Variants in GRIN2B observed in about 807,000 individuals in gnomAD.
The protein encoded by GRIN2B is glutamate receptor ionotropic, NMDA 2B.
In GRIN2B, 5 loss-of-function variants were observed where a neutral mutation model predicts 114.5. The ratio of observed to expected loss-of-function variants is 0.04; its 90% CI spans 0.02 to 0.09. The LOEUF (loss-of-function observed/expected upper bound fraction) is 0.09, where lower values mean the gene tolerates loss of function less well. Among genes scored for constraint, GRIN2B ranks in the 10% least tolerant of loss-of-function variants. The probability of loss-of-function intolerance (pLI) is 1.00; values close to 1 mark genes in which losing one functional copy is unlikely to be tolerated. For missense variants in GRIN2B, 1,108 were observed against 1,943.5 expected, an observed-to-expected ratio of 0.57 and a Z score of 8.08; for synonymous variants, 787 against 745.1, an observed-to-expected ratio of 1.06 and a Z score of -0.92.
chr12:13,679,849 C>G (rs979829833), intron 4 of GRIN2B, among the ~76,000 whole-genome samples: 5 of 152,104 alleles, frequency 3.3e-5, no homozygotes, highest in Non-Finnish European at 7.4e-5. Context: ...CTCAGTTATT[C>G]TTCTCTAAAA....
intron 3 of GRIN2B, among the ~76,000 whole-genome samples, chr12:13,780,133 T>C (rs544276531): frequency 2.2e-4 from 34 of 152,170 alleles, no homozygotes; most frequent in Non-Finnish European, 4.4e-4. Flanking sequence ...AAGAGTACCA[T>C]ACCTTTACTA....
chr12:13,699,090 T>TA (rs1950287739), intron 4 of GRIN2B, among the ~76,000 whole-genome samples: 2 of 152,212 alleles, frequency 1.3e-5, no homozygotes, highest in African/African-American at 4.8e-5. Flanking sequence ...TGATGACAAC[T>TA]ATATAAAAGT....
chr12:13,902,434 A>G (rs1032576428), intron 2 of GRIN2B, among the ~76,000 whole-genome samples: 1 of 152,194 alleles, frequency 6.6e-6, no homozygotes, highest in African/African-American at 2.4e-5. Context: ...TTGCAGATAC[A>G]TTTTAAAAAA....
chr12:13,806,842 T>TTACAG (rs1864608769), intron 3 of GRIN2B, among the ~76,000 whole-genome samples: 1 of 152,176 alleles, frequency 6.6e-6, no homozygotes, highest in Non-Finnish European at 1.5e-5. Flanking sequence ...CCTAGTATTT[T>TTACAG]TTACAGTTTC....
chr12:13,834,197 A>ATTTTTTTTTTTTTTTTTTT, intron 3 of GRIN2B, among the ~76,000 whole-genome samples: 2 of 111,502 alleles, frequency 1.8e-5, no homozygotes, highest in South Asian at 2.7e-4. Flanking sequence ...CGCCTGGCTA[A>ATTTTTTTTTTTTTTTTTTT]TTTTTTTTTT....
intron 2 of GRIN2B, among the ~76,000 whole-genome samples, chr12:13,930,247 C>A (rs1471313610): frequency 6.6e-6 from 1 of 152,024 alleles, no homozygotes; most frequent in African/African-American, 2.4e-5. Context: ...TTAATAGAAT[C>A]TTATTATAAC....
intron 4 of GRIN2B, among the ~76,000 whole-genome samples, chr12:13,714,212 T>C (rs938250514): frequency 1.3e-5 from 2 of 151,618 alleles, no homozygotes; most frequent in Non-Finnish European, 1.5e-5. Context: ...GGGTGCTACC[T>C]GATGTAAGTC....
chr12:13,761,042 C>T (rs1318766766), intron 3 of GRIN2B, among the ~76,000 whole-genome samples: 1 of 152,122 alleles, frequency 6.6e-6, no homozygotes, highest in Admixed American at 6.6e-5. Context: ...ATGACTGAAA[C>T]ACACAATGGA....
chr12:13,938,673 C>T (rs1867174198), intron 2 of GRIN2B, among the ~76,000 whole-genome samples: 1 of 152,116 alleles, frequency 6.6e-6, no homozygotes, highest in South Asian at 2.1e-4. Context: ...AATTCTAGAG[C>T]AAAGCTAATT....
chr12:13,825,093 C>A (rs954395541), intron 3 of GRIN2B, among the ~76,000 whole-genome samples: 1 of 151,996 alleles, frequency 6.6e-6, no homozygotes, highest in African/African-American at 2.4e-5. Flanking sequence ...GCTGCATTAG[C>A]CATATTGTGC....
At chr12:13,657,325 CT>C (rs1949875649) in intron 5 of GRIN2B, among the ~76,000 whole-genome samples, 1 of 152,126 alleles carries the variant, frequency 6.6e-6, no homozygotes, top group South Asian at 2.1e-4. Flanking sequence ...CTAAAAGCTG[CT>C]AGAGCTCCCC....
chr12:13,721,827 A>G lies in GRIN2B; in HGVS notation c.1010+31490T>C, dbSNP rs576527321. Among the ~76,000 whole-genome samples, 328 of 152,260 alleles carry G rather than the reference A, an allele frequency of 2.2e-3. 1 individual carries two copies. Among genetic ancestry groups the G allele is most frequent in the African/African-American group, 7.5e-3 (312 of 41,580 alleles). On this transcript the variant is annotated intron_variant, in intron 4 of 13. Coordinates refer to ENST00000609686, the MANE Select transcript of GRIN2B (RefSeq NM_000834.5). ...ATTCAACAAATAAATAAATAAATAA[A>G]GGAGCTCAAGCAGAGCCCTTTGGGC...
chr12:13,757,681 T>A (rs1175326372), intron 3 of GRIN2B, among the ~76,000 whole-genome samples: 2 of 152,192 alleles, frequency 1.3e-5, no homozygotes, highest in Non-Finnish European at 2.9e-5. Context: ...AGAGCATCTT[T>A]AACATATTCC....
chr12:13,711,594 A>G (rs1246014026), intron 4 of GRIN2B, among the ~76,000 whole-genome samples: 2 of 152,198 alleles, frequency 1.3e-5, no homozygotes, highest in Non-Finnish European at 2.9e-5. Context: ...TTCTCAAAAG[A>G]AGACATTTAT....
intron 3 of GRIN2B, among the ~76,000 whole-genome samples, chr12:13,788,941 CAA>C (rs201897532): frequency 1.3e-5 from 2 of 152,110 alleles, no homozygotes; most frequent in Non-Finnish European, 2.9e-5. Context: ...AATGGAGATA[CAA>C]AGCTCCGGCA....
At chr12:13,826,035 T>C (rs1266540254) in intron 3 of GRIN2B, among the ~76,000 whole-genome samples, 2 of 152,150 alleles carry the variant, frequency 1.3e-5, no homozygotes, top group African/African-American at 4.8e-5. Context: ...TCTTTTTTTT[T>C]CTTGCCTTTT....
chr12:13,872,730 T>C lies in GRIN2B; in HGVS notation c.-18-6504A>G, dbSNP rs765349458. 5.3e-5 allele frequency among the ~76,000 whole-genome samples: 8 copies of C among 152,260 alleles called. No individual in the cohort carries two copies. The South Asian group carries it at 8.3e-4, about 16-fold the overall frequency. Reference sequence around the variant, plus strand: ...CAAATAAAACATCACTCTTTGATAATAGGAAATCAAGAGATCGTCAGCCTT... The same window carrying C: ...CAAATAAAACATCACTCTTTGATAACAGGAAATCAAGAGATCGTCAGCCTT... On this transcript the variant is annotated intron_variant, in intron 2 of 13. Coordinates refer to ENST00000609686, the MANE Select transcript of GRIN2B (RefSeq NM_000834.5).
At chr12:13,888,065 A>G (rs1866195358) in intron 2 of GRIN2B, among the ~76,000 whole-genome samples, 3 of 152,232 alleles carry the variant, frequency 2.0e-5, no homozygotes, top group Admixed American at 2.0e-4. Context: ...CAGAAAGAGA[A>G]GGCAGAGAAA....
intron 4 of GRIN2B, among the ~76,000 whole-genome samples, chr12:13,703,633 C>G (rs1264576941): frequency 6.6e-6 from 1 of 152,108 alleles, no homozygotes; most frequent in Non-Finnish European, 1.5e-5. Flanking sequence ...AATTCATAAT[C>G]TTTCATTGAA....
Sources: gnomAD v4.1 joint callset for allele counts (sites outside exome capture counted in the v4.1 genomes callset) on GRCh38, gnomAD v4.1.1 for gene constraint, MANE v1.5 for transcripts, NCBI Gene and HGNC (gene_info 2026-07-23, HGNC 2026-07-21) for gene names.